The following FSHR variants were observed in gnomAD, a reference collection of about 807,000 sequenced individuals.
FSHR encodes follicle-stimulating hormone receptor.
In FSHR, 46 loss-of-function variants were observed where a neutral mutation model predicts 52.1. The ratio of observed to expected loss-of-function variants is 0.88; its 90% confidence interval spans 0.70 to 1.13. FSHR has a LOEUF of 1.13. Ranked by LOEUF, FSHR falls within the 50% of genes most tolerant of loss-of-function variation. The pLI is 0.00. For missense variants in FSHR, 964 were observed against 834.6 expected (o/e 1.16, Z -1.91); for synonymous variants, 399 against 309.6 (o/e 1.29, Z -3.03).
chr2:48,997,048 T>A (rs893345703), intron 4 of FSHR: 2 of 158,054 alleles, frequency 1.3e-5, no homozygotes, highest in African/African-American at 4.8e-5. Flanking sequence ...AGGTATAGTA[T>A]CACAGAATCG....
intron 4 of FSHR, among the ~76,000 whole-genome samples, chr2:48,992,702 A>G (rs1675841584): frequency 6.6e-6 from 1 of 151,712 alleles, no homozygotes; most frequent in Non-Finnish European, 1.5e-5. Flanking sequence ...TGTCTCTATC[A>G]GTGGAATCAT....
intron 1 of FSHR, among the ~76,000 whole-genome samples, chr2:49,148,000 G>A (rs17038361): frequency 0.28 from 42,138 of 151,754 alleles, 6,147 homozygotes; most frequent in East Asian, 0.48. Flanking sequence ...AGAGAACTAC[G>A]ACAATCAAAG....
At chr2:49,012,861 A>G (rs1014436121) in intron 4 of FSHR, among the ~76,000 whole-genome samples, 2 of 152,118 alleles carry the variant, frequency 1.3e-5, no homozygotes, top group Admixed American at 1.3e-4. Flanking sequence ...GAAAATAAGC[A>G]TGGAAGATAT....
intron 4 of FSHR, among the ~76,000 whole-genome samples, chr2:49,011,180 C>T (rs1332553227): frequency 8.0e-5 from 12 of 150,832 alleles, no homozygotes; most frequent in African/African-American, 2.2e-4. Context: ...CTATAAATTT[C>T]CCTCTACACA....
chr2:49,136,742 A>C (rs889768821), intron 1 of FSHR, among the ~76,000 whole-genome samples: 15 of 152,306 alleles, frequency 9.8e-5, no homozygotes, highest in South Asian at 2.1e-4. Context: ...AATATATTAC[A>C]TCAATATAAA....
intron 4 of FSHR, among the ~76,000 whole-genome samples, chr2:49,011,044 T>C (rs1357264424): frequency 2.0e-5 from 3 of 151,200 alleles, no homozygotes; most frequent in Non-Finnish European, 4.4e-5. Flanking sequence ...TCTGCTCTGA[T>C]TTTAGTTATT....
intron 1 of FSHR, among the ~76,000 whole-genome samples, chr2:49,137,494 T>C (rs751662092): frequency 7.2e-5 from 11 of 152,228 alleles, no homozygotes; most frequent in South Asian, 2.1e-4. Context: ...AGGCTGATTC[T>C]AAAATATATA....
intron 1 of FSHR, among the ~76,000 whole-genome samples, chr2:49,100,372 A>G (rs538646023): frequency 6.6e-6 from 1 of 152,334 alleles, no homozygotes; most frequent in South Asian, 2.1e-4. Flanking sequence ...AGAAATTCAC[A>G]GTACTTTCTC....
At chr2:49,120,971 C>T (rs1671798563) in intron 1 of FSHR, among the ~76,000 whole-genome samples, 1 of 152,192 alleles carries the variant, frequency 6.6e-6, no homozygotes, top group African/African-American at 2.4e-5. Context: ...TTCTTCATAG[C>T]TTAATAAATT....
rs190743255 is a variant in FSHR at position 49,081,498 on chromosome 2, A to G, written c.153-13208T>C. Among the ~76,000 whole-genome samples, 355 of 152,308 alleles carry G rather than the reference A, an allele frequency of 2.3e-3. 1 individual carries two copies. Among genetic ancestry groups the G allele is most frequent in the Non-Finnish European group, 4.3e-3 (292 of 68,032 alleles). On this transcript the variant is annotated intron_variant, in intron 1 of 9. Coordinates refer to ENST00000406846, the MANE Select transcript of FSHR (RefSeq NM_000145.4). ...TCAAGATTGAAATTCTCACCAGGGC[A>G]TATCCCAAGCATCATTTATTAACTC...
At chr2:49,073,716 G>T (rs935774330) in intron 1 of FSHR, among the ~76,000 whole-genome samples, 1 of 151,964 alleles carries the variant, frequency 6.6e-6, no homozygotes, top group African/African-American at 2.4e-5. Context: ...AACCACAAAA[G>T]ATACTGAATA....
intron 1 of FSHR, among the ~76,000 whole-genome samples, chr2:49,152,061 A>G (rs1390041118): frequency 6.6e-6 from 1 of 152,170 alleles, no homozygotes; most frequent in Non-Finnish European, 1.5e-5. Flanking sequence ...ATGAGTGTGC[A>G]GAAGACAGAA....
At chr2:49,142,235 C>G (rs1044095399) in intron 1 of FSHR, among the ~76,000 whole-genome samples, 8 of 152,128 alleles carry the variant, frequency 5.3e-5, no homozygotes, top group Non-Finnish European at 8.8e-5. Flanking sequence ...GAAATGAAAA[C>G]ATTCAAGTTG....
intron 1 of FSHR, among the ~76,000 whole-genome samples, chr2:49,105,028 G>A (rs2103736071): frequency 6.6e-6 from 1 of 152,258 alleles, no homozygotes; most frequent in South Asian, 2.1e-4. Flanking sequence ...GAAATCCGTA[G>A]ATATCAAAAC....
At chr2:49,105,658 G>C (rs1020696657) in intron 1 of FSHR, among the ~76,000 whole-genome samples, 36 of 152,200 alleles carry the variant, frequency 2.4e-4, no homozygotes, top group African/African-American at 8.4e-4. Flanking sequence ...GCCCATCCCA[G>C]TCTCCACATT....
rs1671953300 is a variant in FSHR at position 49,125,140 on chromosome 2, A to G, written c.152+29126T>C. On this transcript the variant is annotated intron_variant, in intron 1 of 9. Coordinates refer to ENST00000406846, the MANE Select transcript of FSHR (RefSeq NM_000145.4). ...TTCTGATGGGCTTCCTGGACAGTGT[A>G]TCTACCATGTCTGATCCTCCCTATT... is the stretch of plus-strand genomic sequence containing the variant. Among the ~76,000 whole-genome samples, 3 of 152,184 alleles carry G rather than the reference A, an allele frequency of 2.0e-5. 1 individual carries two copies. Among genetic ancestry groups the G allele is most frequent in the Admixed American group, 2.0e-4 (3 of 15,276 alleles).
intron 1 of FSHR, among the ~76,000 whole-genome samples, chr2:49,085,250 G>T (rs962059948): frequency 6.6e-6 from 1 of 152,244 alleles, no homozygotes; most frequent in Non-Finnish European, 1.5e-5. Context: ...AAACCCACAT[G>T]ATTATCTCGA....
At chr2:49,016,806 C>A (rs537490403) in intron 4 of FSHR, among the ~76,000 whole-genome samples, 1 of 145,054 alleles carries the variant, frequency 6.9e-6, no homozygotes, top group Admixed American at 7.0e-5. Flanking sequence ...CTTGATGAAA[C>A]AATATGCGAG....
At chr2:49,019,715 G>C (rs776466970) in intron 3 of FSHR, among the ~76,000 whole-genome samples, 1 of 152,226 alleles carries the variant, frequency 6.6e-6, no homozygotes, top group Non-Finnish European at 1.5e-5. Context: ...TATGGCATAG[G>C]CCAGTAGTCA....
Sources: allele counts gnomAD v4.1 joint callset (sites outside exome capture counted in the v4.1 genomes callset), GRCh38; gene constraint gnomAD v4.1.1; transcripts MANE v1.5; gene names NCBI Gene and HGNC (gene_info 2026-07-23, HGNC 2026-07-21).